Variants in ZNF831 observed in about 807,000 individuals in gnomAD.
The protein encoded by ZNF831 is chromosome 20 open reading frame 174.
A neutral mutation model predicts 95.8 loss-of-function variants in ZNF831; 59 were observed. The ratio of observed to expected loss-of-function variants is 0.62; its 90% CI spans 0.50 to 0.77. The LOEUF (loss-of-function observed/expected upper bound fraction) is 0.77. Ranked by LOEUF, ZNF831 falls within the 30% of genes least tolerant of loss-of-function variation. ZNF831 has a pLI of 0.00. For missense variants in ZNF831, 2,205 were observed against 2,164.0 expected (o/e 1.02, Z -0.38); for synonymous variants, 961 against 925.5 (o/e 1.04, Z -0.70).
intron 3 of ZNF831, among the ~76,000 whole-genome samples, chr20:59,205,554 G>A (rs1235461518): frequency 6.6e-6 from 1 of 152,226 alleles, no homozygotes; most frequent in East Asian, 1.9e-4. Context: ...AAAAACCAGT[G>A]CCCAAGAGGA....
intron 1 of ZNF831, among the ~76,000 whole-genome samples, chr20:59,138,994 C>G (rs1417327795): frequency 6.6e-6 from 1 of 152,126 alleles, no homozygotes; most frequent in African/African-American, 2.4e-5. Flanking sequence ...GAGCCACTTT[C>G]AATTCTGTTT....
chr20:59,161,699 T>G (rs141033933), upstream of ZNF831, among the ~76,000 whole-genome samples: 759 of 152,348 alleles, frequency 5.0e-3, 2 homozygotes, highest in Middle Eastern at 0.017. Flanking sequence ...CTTTGCTATT[T>G]GTGAATAGTG....
intron 4 of ZNF831, among the ~76,000 whole-genome samples, chr20:59,222,779 G>T (rs936291878): frequency 1.3e-5 from 2 of 152,232 alleles, no homozygotes; most frequent in Admixed American, 6.5e-5. Flanking sequence ...GAGGCGGGCG[G>T]ACCCCAGACT....
chr20:59,236,545 T>C (rs535333133), intron 4 of ZNF831, among the ~76,000 whole-genome samples: 2 of 151,830 alleles, frequency 1.3e-5, no homozygotes, highest in East Asian at 1.9e-4. Flanking sequence ...ACCACCACGC[T>C]TGGCTAGTTT....
chr20:59,230,521 T>C (rs1197653615), intron 4 of ZNF831, among the ~76,000 whole-genome samples: 1 of 152,046 alleles, frequency 6.6e-6, no homozygotes, highest in Non-Finnish European at 1.5e-5. Flanking sequence ...AATAAACAAA[T>C]GGACATGGCT....
At chr20:59,126,866 C>G (rs1326169787) in intron 1 of ZNF831, among the ~76,000 whole-genome samples, 1 of 152,190 alleles carries the variant, frequency 6.6e-6, no homozygotes, top group Non-Finnish European at 1.5e-5. Flanking sequence ...CTCTTCTGAG[C>G]TCTGGGTGTT....
rs1000749175 is a variant in ZNF831, at chr20:59,258,864, T to C, written c.*4121T>C. 2 of 152,176 alleles carry C rather than the reference T, an allele frequency of 1.3e-5. No individual in the cohort carries two copies. The highest frequency in any genetic ancestry group is 1.3e-4 in the Admixed American group (2 of 15,264). The allele number at this position is 152,176 out of a possible 1,614,324, so 9.4% of individuals were successfully genotyped here. A position where few individuals can be genotyped will look rare whatever the true frequency, so the allele number is the denominator to read the frequency against. The stretch of plus-strand genomic sequence containing the variant: ...ATATACATAATTTGGTCTGAAGAAG[T>C]ATAGGAACAGTTGAGCACATTACTT... On this transcript the variant is annotated 3_prime_UTR_variant, in exon 6 of 6. Transcript: ENST00000371030.
At chr20:59,209,281 C>T (rs540486887) in intron 4 of ZNF831, among the ~76,000 whole-genome samples, 4 of 152,320 alleles carry the variant, frequency 2.6e-5, no homozygotes, top group Non-Finnish European at 5.9e-5. Context: ...ACAGTTAGCA[C>T]ATACTGAGTG....
Position 59,193,413 on chromosome 20 carries a change from C to T in ZNF831, c.2394C>T (p.Thr798=), listed in dbSNP as rs1395274932. The T allele has an allele frequency of 1.3e-6, 2 of 1,599,080 alleles. No homozygotes were observed. The highest frequency in any genetic ancestry group is 1.7e-6 in the Non-Finnish European group (2 of 1,173,064). ...GAGGTGTGGGGGATGTTCAGGAGAC[C>T]TGCCTGTGGGCCCAGACTGTCCTGA... ...GARGVGDVQE[T]CLWAQTVLRW... The change falls in exon 2 of 6, where the codon ACC becomes ACT. Residue 798 remains threonine (T), a synonymous_variant. Coordinates refer to ENST00000371030, the MANE Select transcript of ZNF831 (RefSeq NM_178457.3).
At chr20:59,202,225 G>A (rs1984580288) in intron 3 of ZNF831, among the ~76,000 whole-genome samples, 1 of 151,218 alleles carries the variant, frequency 6.6e-6, no homozygotes, top group Admixed American at 6.6e-5. Context: ...TTCAATTGTT[G>A]ATGTGAATTA....
intron 4 of ZNF831, among the ~76,000 whole-genome samples, chr20:59,213,343 G>A (rs536796871): frequency 7.2e-4 from 109 of 152,174 alleles, no homozygotes; most frequent in Middle Eastern, 3.4e-3. Context: ...ACAACTTTTG[G>A]TTTTGTCGTT....
At chr20:59,202,934 G>A (rs188984334) in intron 3 of ZNF831, among the ~76,000 whole-genome samples, 138 of 152,254 alleles carry the variant, frequency 9.1e-4, no homozygotes, top group African/African-American at 3.3e-3. Flanking sequence ...ATTTTACGCT[G>A]CATTTTTAAT....
chr20:59,258,757 A>T lies in ZNF831; in HGVS notation c.*4014A>T, dbSNP rs1988291247. 6.6e-6 allele frequency: 1 copy of T among 152,232 alleles called. No individual in the cohort carries two copies. Among genetic ancestry groups the T allele is most frequent in the Non-Finnish European group, 1.5e-5 (1 of 68,036 alleles). The allele number at this position is 152,232 out of a possible 1,614,324, so 9.4% of individuals were successfully genotyped here. On this transcript the variant is annotated 3_prime_UTR_variant, in exon 6 of 6. Coordinates refer to ENST00000371030, the MANE Select transcript of ZNF831 (RefSeq NM_178457.3). ...TATTTTTCAGAACCCATTAAATATA[A>T]GGGTCAGAACCTAGAAAATCTTATG... is the stretch of plus-strand genomic sequence containing the variant.
At chr20:59,188,453 GA>G (rs1020452318) in intron 1 of ZNF831, among the ~76,000 whole-genome samples, 5 of 151,914 alleles carry the variant, frequency 3.3e-5, no homozygotes, top group African/African-American at 4.8e-5. Flanking sequence ...GGCATTTGGA[GA>G]AAAAAAATCT....
At position 59,252,963 on chromosome 20, in the gene ZNF831, CCT is replaced by C. The variant is rs1254396043; in HGVS notation, c.4028-11_4028-10del. 3 of 1,611,094 alleles carry C rather than the reference CCT, an allele frequency of 1.9e-6. No individual in the cohort carries two copies. The highest frequency in any genetic ancestry group is 2.5e-6 in the Non-Finnish European group (3 of 1,178,786). On this transcript the variant is annotated splice_polypyrimidine_tract_variant and intron_variant, in intron 4 of 5. Transcript: ENST00000371030. ...ATAATTCCAGTCATATGTAAATGTG[CCT>C]CTCCCCTTGCAGGTCTGAATCTGCA...
At chr20:59,210,715 G>A (rs1036567621) in intron 4 of ZNF831, among the ~76,000 whole-genome samples, 1 of 152,216 alleles carries the variant, frequency 6.6e-6, no homozygotes, top group Admixed American at 6.5e-5. Context: ...AGGAGTCCCA[G>A]AGATCCTGAG....
chr20:59,231,733 G>T (rs1270426404), intron 4 of ZNF831, among the ~76,000 whole-genome samples: 1 of 152,006 alleles, frequency 6.6e-6, no homozygotes, highest in African/African-American at 2.4e-5. Context: ...CCCACTGTCC[G>T]CCCCTTGCCG....
intron 4 of ZNF831, among the ~76,000 whole-genome samples, chr20:59,236,811 GC>G (rs1207129564): frequency 5.3e-5 from 8 of 152,100 alleles, no homozygotes; most frequent in Non-Finnish European, 5.9e-5. Flanking sequence ...AATAATAAAA[GC>G]CAAAGTTTAT....
intron 1 of ZNF831, among the ~76,000 whole-genome samples, chr20:59,183,006 C>G (rs1381902911): frequency 6.6e-6 from 1 of 152,180 alleles, no homozygotes; most frequent in Non-Finnish European, 1.5e-5. Context: ...CCTTTGGGTC[C>G]TGGCTGGCCT....
Sources: allele counts gnomAD v4.1 joint callset (sites outside exome capture counted in the v4.1 genomes callset), GRCh38; gene constraint gnomAD v4.1.1; transcripts MANE v1.5; gene names NCBI Gene and HGNC (gene_info 2026-07-23, HGNC 2026-07-21).